Variants in KLK7 observed in about 807,000 individuals in gnomAD.
KLK7 encodes the protein kallikrein related peptidase 7, also known as kallikrein-7.
KLK7 carries 17 observed loss-of-function variants against 21.0 expected under a neutral mutation model. The observed-to-expected ratio is 0.81, with a 90% confidence interval of 0.55 to 1.21. The LOEUF (loss-of-function observed/expected upper bound fraction) is 1.21, where lower values mean the gene tolerates loss of function less well. KLK7 is among the 50% of genes most tolerant of loss of function. The pLI is 0.00. For synonymous variants in KLK7, 151 were observed against 134.6 expected (o/e 1.12, Z -0.85); for missense variants, 330 against 322.8 (o/e 1.02, Z -0.17).
At chr19:50,982,733 A>C (rs1600113129) in intron 1 of KLK7, among the ~76,000 whole-genome samples, 1 of 147,916 alleles carries the variant, frequency 6.8e-6, no homozygotes, top group Non-Finnish European at 1.5e-5. Flanking sequence ...CCAAGAGTCC[A>C]GACCCTAGCA....
chr19:50,979,824 G>C lies in KLK7; in HGVS notation c.570C>G (p.Cys190Trp). 1 of 1,576,410 alleles carries C rather than the reference G, an allele frequency of 6.3e-7. No homozygotes were observed. The highest frequency in any genetic ancestry group is 1.2e-5 in the South Asian group (1 of 85,912). Residue 190 changes from cysteine to tryptophan, a missense_variant, in exon 5 of 6, where the codon TGC becomes TGG. Cys to Trp is a radical substitution (Grantham distance 215). Coordinates refer to ENST00000595820, the MANE Select transcript of KLK7 (RefSeq NM_005046.4). The stretch of plus-strand genomic sequence containing the variant: ...TTTTCTTGGAGTCGGGGATGCCAGC[G>C]CACAGCATGGAATTTTCCAGTAAGT... Reference protein sequence around the residue: ...YKDLLENSMLCAGIPDSKKNA... With the variant: ...YKDLLENSMLWAGIPDSKKNA...
intron 1 of KLK7, among the ~76,000 whole-genome samples, chr19:50,983,075 T>C (rs866631065): frequency 2.0e-4 from 4 of 20,316 alleles, no homozygotes; most frequent in African/African-American, 2.5e-4. Context: ...CCCCAGCCCC[T>C]CCTCCCTCAG....
At chr19:50,983,777 G>A in intron 1 of KLK7, 74 bp downstream of exon 1, 5 of 1,279,732 alleles carry the variant, frequency 3.9e-6, no homozygotes, top group Middle Eastern at 4.3e-4. Context: ...CCTACCTCTC[G>A]AGAGCAGAGT....
upstream of KLK7, chr19:50,983,948 C>A (rs1182618010): frequency 7.8e-7 from 1 of 1,283,218 alleles, no homozygotes; most frequent in Admixed American, 2.3e-5. Context: ...TCTTATATCA[C>A]CCCCCGCCCC....
chr19:50,982,040 A>C, intron 2 of KLK7, 126 bp from the exon 3 acceptor site: 1 of 1,095,202 alleles, frequency 9.1e-7, no homozygotes, highest in Admixed American at 2.5e-5. Flanking sequence ...AATACAGAGA[A>C]AGCAAGAGAT....
At chr19:50,979,334 G>A (rs922540541) in intron 5 of KLK7, among the ~76,000 whole-genome samples, 2 of 152,236 alleles carry the variant, frequency 1.3e-5, no homozygotes, top group Non-Finnish European at 2.9e-5. Flanking sequence ...GTACAGCGCT[G>A]TGCTGAGCCA....
At position 50,982,200 on chromosome 19, in the gene KLK7, C is replaced by T. The variant is rs1008373717; in HGVS notation, c.73+127G>A. ...GCAGAAGCAGGAAGAGCGGGGGCTT[C>T]AGCCGACAGTCTGGTCCTCCCAGGA... is the stretch of plus-strand genomic sequence containing the variant. On this transcript the variant is annotated intron_variant, in intron 2 of 5. Coordinates refer to ENST00000595820, the MANE Select transcript of KLK7 (RefSeq NM_005046.4). 39 of 1,279,500 alleles carry T rather than the reference C, an allele frequency of 3.0e-5. No homozygotes were observed. The African/African-American group carries it at 5.5e-4, about 18-fold the overall frequency. 79.3% of individuals were successfully genotyped at this position (1,279,500 alleles called of 1,614,324 possible).
Position 50,980,377 on chromosome 19 carries a change from T to A in KLK7, c.332A>T (p.Asn111Ile), listed in dbSNP as rs756451690. The change falls in exon 4 of 6, where the codon AAT (asparagine) becomes ATT (isoleucine). Residue 111 changes from asparagine (N) to isoleucine (I), a missense_variant. Coordinates refer to ENST00000595820, the MANE Select transcript of KLK7 (RefSeq NM_005046.4). Reference sequence around the variant, plus strand: ...ATTGAGCTTCACGAGCATGAGGTCATTAACATGGGTCTGTGTGGAGTAGCC... The same window carrying A: ...ATTGAGCTTCACGAGCATGAGGTCAATAACATGGGTCTGTGTGGAGTAGCC... ...HPGYSTQTHVNDLMLVKLNSQ... is the reference protein window; with the variant it reads ...HPGYSTQTHVIDLMLVKLNSQ... The A allele has an allele frequency of 6.2e-7, 1 of 1,613,978 alleles. No individual in the cohort carries two copies. The highest frequency in any genetic ancestry group is 8.5e-7 in the Non-Finnish European group (1 of 1,179,952).
In KLK7 at chr19:50,982,316, C is replaced by T. The variant is rs1249545942; in HGVS notation, c.73+11G>A. On this transcript the variant is annotated intron_variant, in intron 2 of 5. Coordinates refer to ENST00000595820, the MANE Select transcript of KLK7 (RefSeq NM_005046.4). ...CTGAGGTGAGGTCAGACTTCCCAGT[C>T]CAGCTTTCACCTTCTTCTCCTGCAG... 6.2e-7 allele frequency: 1 copy of T among 1,608,214 alleles called. No individual in the cohort carries two copies. Among genetic ancestry groups the T allele is most frequent in the Non-Finnish European group, 8.5e-7 (1 of 1,177,468 alleles).
rs761245196 is a variant in KLK7 at position 50,980,287 on chromosome 19, C to G, written c.422G>C (p.Gly141Ala). ...CCAGCCGGAGACAGTACAGGTGGTT[C>G]CAGGGGGTTCGCAGCGGGAGGGCAG... ...VRLPSRCEPP[G>A]TTCTVSGWGT... Residue 141 changes from glycine (G) to alanine (A), a missense_variant, in exon 4 of 6, where the codon GGA becomes GCA. Coordinates refer to ENST00000595820, the MANE Select transcript of KLK7 (RefSeq NM_005046.4). The G allele has an allele frequency of 1.2e-6, 2 of 1,613,936 alleles. No individual in the cohort carries two copies. The highest frequency in any genetic ancestry group is 2.2e-5 in the South Asian group (2 of 91,072).
intron 5 of KLK7, among the ~76,000 whole-genome samples, chr19:50,978,060 C>T (rs1026832792): frequency 6.6e-5 from 10 of 152,306 alleles, no homozygotes; most frequent in South Asian, 4.1e-4. Flanking sequence ...ACGATGGTCT[C>T]GGAGACCAGG....
chr19:50,981,251 A>G (rs2091082445), intron 3 of KLK7, among the ~76,000 whole-genome samples: 1 of 139,510 alleles, frequency 7.2e-6, no homozygotes, highest in South Asian at 2.6e-4. Flanking sequence ...AGACCCAGAG[A>G]GAGAGGGACA....
rs1158555059 is a variant in KLK7 at position 50,983,849 on chromosome 19, A to C, written c.-59+2T>G. On this transcript the variant is annotated splice_donor_variant, in intron 1 of 5. Coordinates refer to ENST00000595820, the MANE Select transcript of KLK7 (RefSeq NM_005046.4). LOFTEE classifies it low-confidence loss of function (5UTR_SPLICE). ...TGCACCCTTGATGAAGCCTCTTCTC[A>C]CCTCGAGAGGATCTGATGTGATCCA... 7.8e-7 allele frequency: 1 copy of C among 1,288,962 alleles called. No individual in the cohort carries two copies. Among genetic ancestry groups the C allele is most frequent in the East Asian group, 5.6e-5 (1 of 18,018 alleles). The allele number at this position is 1,288,962 out of a possible 1,614,324, so 79.8% of individuals were successfully genotyped here.
chr19:50,979,645 T>G, intron 5 of KLK7, 143 bp downstream of exon 5: 1 of 737,354 alleles, frequency 1.4e-6, no homozygotes, highest in Non-Finnish European at 2.2e-6. Flanking sequence ...AGGCAGAGAA[T>G]GAGGTGGAAA....
Position 50,982,401 on chromosome 19 carries a change from G to C in KLK7, c.-2C>G. On this transcript the variant is annotated 5_prime_UTR_variant, in exon 2 of 6. Coordinates refer to ENST00000595820, the MANE Select transcript of KLK7 (RefSeq NM_005046.4). The stretch of plus-strand genomic sequence containing the variant: ...GGGCAGGAGAAGGGATCTTGCCATG[G>C]TGCCCTGCTGAGCCGCTCAGGGGCT... The C allele has an allele frequency of 6.2e-7, 1 of 1,606,576 alleles. No individual in the cohort carries two copies. The highest frequency in any genetic ancestry group is 8.5e-7 in the Non-Finnish European group (1 of 1,176,776).
Position 50,982,424 on chromosome 19 carries a change from G to A in KLK7, c.-25C>T. On this transcript the variant is annotated 5_prime_UTR_variant, in exon 2 of 6. Transcript: ENST00000595820. ...TGGTGCCCTGCTGAGCCGCTCAGGGGCTGCCAGGCGAGGAAGGGCCTCTCC... is the reference window on the plus strand; with the variant it reads ...TGGTGCCCTGCTGAGCCGCTCAGGGACTGCCAGGCGAGGAAGGGCCTCTCC... The A allele has an allele frequency of 6.3e-7, 1 of 1,592,782 alleles. No homozygotes were observed. Among genetic ancestry groups the A allele is most frequent in the East Asian group, 2.3e-5 (1 of 44,356 alleles).
intron 5 of KLK7, 152 bp downstream of exon 5, chr19:50,979,636 G>A: frequency 1.4e-6 from 1 of 710,544 alleles, no homozygotes; most frequent in Non-Finnish European, 2.3e-6. Flanking sequence ...CCCTGACCTA[G>A]GCAGAGAATG....
At position 50,977,480 on chromosome 19, in the gene KLK7, C is replaced by T; in HGVS notation, c.*56G>A. The T allele has an allele frequency of 6.4e-6, 10 of 1,567,490 alleles. No homozygotes were observed. Among genetic ancestry groups the T allele is most frequent in the Non-Finnish European group, 7.9e-6 (9 of 1,139,350 alleles). ...ATTTGACTTCATAGGTCATCGGCGT[C>T]CTCACTCCTGTGCATTTTCTGTTGG... On this transcript the variant is annotated 3_prime_UTR_variant, in exon 6 of 6. Coordinates refer to ENST00000595820, the MANE Select transcript of KLK7 (RefSeq NM_005046.4).
intron 1 of KLK7, among the ~76,000 whole-genome samples, chr19:50,983,404 C>T (rs2091106671): frequency 1.5e-5 from 2 of 133,344 alleles, no homozygotes. Context: ...AGCTCCTCCT[C>T]CCTCAGACCT....
Sources: gnomAD v4.1 joint callset for allele counts (sites outside exome capture counted in the v4.1 genomes callset) on GRCh38, gnomAD v4.1.1 for gene constraint, MANE v1.5 for transcripts, NCBI Gene and HGNC (gene_info 2026-07-23, HGNC 2026-07-21) for gene names.